Variants in JADE3 observed in about 807,000 individuals in gnomAD.
JADE3 encodes jade family PHD finger 3.
In JADE3, 2 loss-of-function variants were observed where a neutral mutation model predicts 50.1. The observed-to-expected ratio is 0.04, with a 90% CI of 0.02 to 0.13. JADE3 has a LOEUF of 0.13. JADE3 is among the 10% of genes least tolerant of loss of function. The probability of loss-of-function intolerance (pLI) is 1.00; values close to 1 mark genes in which losing one functional copy is unlikely to be tolerated. For missense variants in JADE3, 475 were observed against 634.4 expected, an observed-to-expected ratio of 0.75 and a Z score of 2.70; for synonymous variants, 218 against 232.9, an observed-to-expected ratio of 0.94 and a Z score of 0.58.
At position 47,058,415 on chromosome X, in the gene JADE3, C is replaced by G; in HGVS notation, c.1810C>G (p.Arg604Gly). 3.3e-6 allele frequency: 4 copies of G among 1,211,113 alleles called. No homozygotes were observed. The South Asian group carries it at 7.0e-5, about 21-fold the overall frequency. ...PRYPLESKNN[R>G]LLASLSHSRS... is the part of the protein sequence containing the mutation. ...ATACCCACTAGAGAGCAAGAATAAC[C>G]GTTTGCTGGCCAGTCTCAGCCATTC... The change falls in exon 11 of 11, where the codon CGT (arginine) becomes GGT (glycine). Residue 604 changes from arginine (R) to glycine (G), a missense_variant. Coordinates refer to ENST00000614628, the MANE Select transcript of JADE3 (RefSeq NM_014735.5).
chrX:47,006,461 T>G (rs1036913113), intron 4 of JADE3, among the ~76,000 whole-genome samples: 2 of 97,673 alleles, frequency 2.0e-5, no homozygotes, highest in Non-Finnish European at 4.2e-5. Context: ...TTTTTGTAGT[T>G]TTTTTTTTTT....
intron 8 of JADE3, among the ~76,000 whole-genome samples, chrX:47,052,623 G>A (rs1929535877): frequency 1.6e-5 from 1 of 63,550 alleles, no homozygotes; most frequent in East Asian, 5.9e-4. Flanking sequence ...AACAGAGTGA[G>A]ACTCTGTCTC....
chrX:46,952,452 C>G (rs1556345380), intron 1 of JADE3, among the ~76,000 whole-genome samples: 1 of 112,258 alleles, frequency 8.9e-6, no homozygotes, highest in African/African-American at 3.2e-5. Flanking sequence ...TGTGTTAACT[C>G]ATTTCTCCAA....
chrX:46,946,420 T>A (rs1556343458), intron 1 of JADE3, among the ~76,000 whole-genome samples: 1 of 111,629 alleles, frequency 9.0e-6, no homozygotes, highest in Non-Finnish European at 1.9e-5. Flanking sequence ...TGGAAAGATG[T>A]GTCTTTGGGA....
At chrX:46,917,858 C>CTCCTCCT (rs1926133174) in intron 1 of JADE3, among the ~76,000 whole-genome samples, 2 of 22,834 alleles carry the variant, frequency 8.8e-5, no homozygotes, top group African/African-American at 1.1e-4. Flanking sequence ...TCTCTCTCAT[C>CTCCTCCT]CTCTCTCTCT....
At chrX:46,973,522 A>G (rs1246188516) in intron 1 of JADE3, among the ~76,000 whole-genome samples, 4 of 112,312 alleles carry the variant, frequency 3.6e-5, no homozygotes, top group African/African-American at 9.7e-5. Context: ...TGTTTATTCA[A>G]TCTCTAGATA....
chrX:47,026,373 C>T (rs966418211), intron 5 of JADE3, among the ~76,000 whole-genome samples: 7 of 111,905 alleles, frequency 6.3e-5, no homozygotes, highest in South Asian at 7.5e-4. Context: ...TTCTCATATA[C>T]ACCTCACAGT....
At chrX:46,961,939 T>C (rs1424672355) in intron 1 of JADE3, among the ~76,000 whole-genome samples, 1 of 112,409 alleles carries the variant, frequency 8.9e-6, no homozygotes, top group African/African-American at 3.2e-5. Context: ...TGCAAAAAAT[T>C]CACAAGCTCA....
In JADE3 at chrX:46,966,220, A is replaced by G. The variant is rs141489237; in HGVS notation, c.-11-18664A>G. 4.1e-3 allele frequency among the ~76,000 whole-genome samples: 464 copies of G among 112,382 alleles called. 13 individuals carry two copies. The East Asian group carries it at 0.095, about 23-fold the overall frequency. ...TGCCAACTGAGACCAGTTAGAAGGT[A>G]GGAAGAACTAGTGGAAAACAGAACA... On this transcript the variant is annotated intron_variant, in intron 1 of 10. Coordinates refer to ENST00000614628, the MANE Select transcript of JADE3 (RefSeq NM_014735.5).
intron 3 of JADE3, among the ~76,000 whole-genome samples, chrX:46,987,859 T>G (rs1415543638): frequency 1.8e-5 from 2 of 112,152 alleles, no homozygotes; most frequent in African/African-American, 6.5e-5. Flanking sequence ...CCTGGGCTGC[T>G]GAAAGCAAAT....
intron 1 of JADE3, among the ~76,000 whole-genome samples, chrX:46,969,784 G>A (rs1233100207): frequency 7.1e-5 from 8 of 112,118 alleles, no homozygotes; most frequent in East Asian, 2.8e-4. Context: ...AGCCAAGATC[G>A]CTCCACTGCA....
intron 5 of JADE3, among the ~76,000 whole-genome samples, chrX:47,025,602 A>G (rs961599137): frequency 8.9e-6 from 1 of 112,287 alleles, no homozygotes; most frequent in Admixed American, 9.4e-5. Flanking sequence ...AATGTGTGCC[A>G]TACAATACCA....
chrX:46,915,864 G>T (rs1926072749), intron 1 of JADE3, among the ~76,000 whole-genome samples: 1 of 111,509 alleles, frequency 9.0e-6, no homozygotes, highest in African/African-American at 3.3e-5. Flanking sequence ...AGGACCTGGT[G>T]TGAGGAAATA....
At chrX:46,995,435 T>C (rs1205904196) in intron 3 of JADE3, among the ~76,000 whole-genome samples, 4 of 111,565 alleles carry the variant, frequency 3.6e-5, no homozygotes, top group Non-Finnish European at 7.5e-5. Flanking sequence ...TTTGGTAACT[T>C]TTCTATAAGT....
chrX:47,058,630 G>A lies in JADE3; in HGVS notation c.2025G>A (p.Gly675=). 1 of 1,211,512 alleles carries A rather than the reference G, an allele frequency of 8.3e-7. No individual in the cohort carries two copies. Among genetic ancestry groups the A allele is most frequent in the Non-Finnish European group, 1.1e-6 (1 of 895,406 alleles). ...ATGGCCTGGAGGGCAGCTGGTCTGG[G>A]AATGTCACCCAAAAAGACAGCTCGA... ...KSNGLEGSWS[G]NVTQKDSSSE... Residue 675 remains glycine, a synonymous_variant, in exon 11 of 11, where the codon GGG becomes GGA. Coordinates refer to ENST00000614628, the MANE Select transcript of JADE3 (RefSeq NM_014735.5).
At chrX:46,966,903 C>T (rs1391657668) in intron 1 of JADE3, among the ~76,000 whole-genome samples, 2 of 111,970 alleles carry the variant, frequency 1.8e-5, no homozygotes, top group African/African-American at 6.5e-5. Context: ...CATAGAAAAT[C>T]ATCCATATGT....
intron 1 of JADE3, among the ~76,000 whole-genome samples, chrX:46,938,246 C>A (rs1926677702): frequency 9.0e-6 from 1 of 111,216 alleles, no homozygotes; most frequent in Admixed American, 9.6e-5. Flanking sequence ...TTTATTTCCT[C>A]TTTTTTCCCA....
intron 8 of JADE3, among the ~76,000 whole-genome samples, chrX:47,052,071 G>T (rs1192833918): frequency 8.0e-5 from 9 of 111,846 alleles, no homozygotes; most frequent in African/African-American, 2.9e-4. Context: ...TCCAGCCTGG[G>T]CAACAGAGTG....
intron 1 of JADE3, among the ~76,000 whole-genome samples, chrX:46,934,619 G>A (rs1031474232): frequency 9.3e-6 from 1 of 107,669 alleles, no homozygotes; most frequent in Admixed American, 1.0e-4. Flanking sequence ...ATTTTTAGTA[G>A]ATGTGAGGTT....
Sources: gnomAD v4.1 joint callset for allele counts (sites outside exome capture counted in the v4.1 genomes callset) on GRCh38, gnomAD v4.1.1 for gene constraint, MANE v1.5 for transcripts, NCBI Gene and HGNC (gene_info 2026-07-23, HGNC 2026-07-21) for gene names.